The following DCC variants were observed in gnomAD, a reference collection of about 807,000 sequenced individuals.
DCC encodes netrin receptor DCC.
A neutral mutation model predicts 172.5 loss-of-function variants in DCC; 58 were observed. That is an observed-to-expected ratio of 0.34 (90% CI 0.27 to 0.42). The LOEUF (loss-of-function observed/expected upper bound fraction) is 0.42, where lower values mean the gene tolerates loss of function less well. Among genes scored for constraint, DCC ranks in the 10% least tolerant of loss-of-function variants. The probability of loss-of-function intolerance (pLI) is 1.00; values close to 1 mark genes in which losing one functional copy is unlikely to be tolerated. For synonymous variants in DCC, 709 were observed against 644.5 expected (o/e 1.10, Z -1.52); for missense variants, 1,740 against 1,791.0 (o/e 0.97, Z 0.51).
At chr18:53,460,183 A>AGACGC (rs1599174532) in intron 24 of DCC, among the ~76,000 whole-genome samples, 1 of 79,322 alleles carries the variant, frequency 1.3e-5, no homozygotes, top group Non-Finnish European at 3.3e-5. Flanking sequence ...TCTTCATATT[A>AGACGC]TCTAAGTGCT....
At chr18:53,058,882 G>A (rs2042453801) in intron 5 of DCC, among the ~76,000 whole-genome samples, 1 of 152,112 alleles carries the variant, frequency 6.6e-6, no homozygotes, top group African/African-American at 2.4e-5. Flanking sequence ...ATCCTTCTTG[G>A]AGAAGTAGCC....
chr18:52,862,833 C>T (rs771884818), intron 2 of DCC, among the ~76,000 whole-genome samples: 1 of 151,928 alleles, frequency 6.6e-6, no homozygotes, highest in African/African-American at 2.4e-5. Context: ...CGGAATCTTT[C>T]CCTTGAGTTC....
intron 1 of DCC, among the ~76,000 whole-genome samples, chr18:52,624,997 C>A (rs1351456793): frequency 1.3e-5 from 2 of 152,100 alleles, no homozygotes; most frequent in Non-Finnish European, 2.9e-5. Context: ...CTGGATGGTA[C>A]AGCCTACTAC....
intron 22 of DCC, among the ~76,000 whole-genome samples, chr18:53,449,627 C>T (rs2045381117): frequency 6.6e-6 from 1 of 152,272 alleles, no homozygotes; most frequent in Middle Eastern, 3.4e-3. Context: ...ATAGTGTTTC[C>T]TCATAAACCA....
At chr18:52,938,806 A>C (rs1020933627) in intron 5 of DCC, among the ~76,000 whole-genome samples, 1 of 152,012 alleles carries the variant, frequency 6.6e-6, no homozygotes, top group South Asian at 2.1e-4. Context: ...TAACAGTTCA[A>C]TCTCCAAAAT....
intron 12 of DCC, among the ~76,000 whole-genome samples, chr18:53,304,190 C>A (rs1461909928): frequency 6.6e-6 from 1 of 152,016 alleles, no homozygotes; most frequent in Admixed American, 6.6e-5. Flanking sequence ...GGCCAAAAGG[C>A]AACATTTGGG....
At chr18:52,727,784 G>A (rs2036573975) in intron 1 of DCC, among the ~76,000 whole-genome samples, 1 of 152,056 alleles carries the variant, frequency 6.6e-6, no homozygotes. Context: ...GAATGGCAGG[G>A]CTGAAATGTA....
In DCC at chr18:53,486,918, ACT is replaced by A; in HGVS notation, c.3862_3863del (p.Val1289GlyfsTer14). 6.2e-7 allele frequency: 1 copy of A among 1,613,758 alleles called. No homozygotes were observed. The highest frequency in any genetic ancestry group is 8.5e-7 in the Non-Finnish European group (1 of 1,179,962). On this transcript the variant is annotated frameshift_variant, in exon 26 of 29. Coordinates refer to ENST00000442544, the MANE Select transcript of DCC (RefSeq NM_005215.4). LOFTEE classifies it high-confidence loss of function. Reference protein sequence around the residue: ...FTLRPVPFPTLSVDRGFGAGR... With the variant: ...FTLRPVPFPTXSVDRGFGAGR... ...CTCTCCGGCCTGTGCCATTCCCAAC[ACT>A]CTCAGTGGACCGAGGTTTCGGAGCA...
chr18:52,356,573 T>C (rs906017952), intron 1 of DCC, among the ~76,000 whole-genome samples: 2 of 152,170 alleles, frequency 1.3e-5, no homozygotes, highest in African/African-American at 2.4e-5. Flanking sequence ...TGATAAATTA[T>C]TATTAGGATG....
At chr18:52,481,368 A>G (rs1021030649) in intron 1 of DCC, among the ~76,000 whole-genome samples, 2 of 151,226 alleles carry the variant, frequency 1.3e-5, no homozygotes, top group Non-Finnish European at 3.0e-5. Flanking sequence ...GGTGCTTTCC[A>G]CCTTACAACA....
intron 1 of DCC, among the ~76,000 whole-genome samples, chr18:52,716,313 G>A (rs967609750): frequency 4.6e-5 from 7 of 152,174 alleles, no homozygotes; most frequent in Non-Finnish European, 7.3e-5. Context: ...CTGATAGCAG[G>A]GCTTTTCTGG....
At chr18:53,408,435 A>G (rs1909797164) in intron 19 of DCC, among the ~76,000 whole-genome samples, 2 of 152,192 alleles carry the variant, frequency 1.3e-5, no homozygotes, top group Non-Finnish European at 1.5e-5. Context: ...AGTTCCTGCC[A>G]CAAAGTATTC....
intron 1 of DCC, among the ~76,000 whole-genome samples, chr18:52,640,673 C>CCT (rs2034873217): frequency 6.6e-6 from 1 of 151,722 alleles, no homozygotes; most frequent in East Asian, 1.9e-4. Context: ...TGAAAGACCT[C>CCT]TACAAGGAAA....
intron 22 of DCC, among the ~76,000 whole-genome samples, chr18:53,440,874 T>G (rs1352181755): frequency 6.6e-6 from 1 of 152,210 alleles, no homozygotes; most frequent in Non-Finnish European, 1.5e-5. Flanking sequence ...ATCAAGTCAC[T>G]TAAACTCCGG....
intron 1 of DCC, among the ~76,000 whole-genome samples, chr18:52,599,936 C>G (rs532753142): frequency 6.6e-6 from 1 of 152,082 alleles, no homozygotes; most frequent in African/African-American, 2.4e-5. Flanking sequence ...TTCCTTTTTT[C>G]CTGTTGTCTC....
intron 12 of DCC, among the ~76,000 whole-genome samples, chr18:53,246,974 G>A (rs2056372492): frequency 6.6e-6 from 1 of 152,030 alleles, no homozygotes; most frequent in Admixed American, 6.6e-5. Context: ...AAGGTGGTGG[G>A]AACCAAGGAA....
intron 5 of DCC, among the ~76,000 whole-genome samples, chr18:52,929,038 C>T (rs762254145): frequency 4.6e-5 from 7 of 152,038 alleles, no homozygotes; most frequent in Non-Finnish European, 1.0e-4. Flanking sequence ...TATCCTGATC[C>T]AGGCTCCCCT....
intron 1 of DCC, among the ~76,000 whole-genome samples, chr18:52,491,469 G>A (rs548128280): frequency 1.3e-5 from 2 of 152,196 alleles, no homozygotes; most frequent in Admixed American, 6.6e-5. Flanking sequence ...CATGTGAAAA[G>A]TGTGAGTGAT....
intron 1 of DCC, among the ~76,000 whole-genome samples, chr18:52,423,219 A>T (rs1051210352): frequency 2.6e-5 from 4 of 152,170 alleles, no homozygotes; most frequent in African/African-American, 9.6e-5. Flanking sequence ...AAAGGCAGAA[A>T]TGCCCAAGAA....
Sources: gnomAD v4.1 joint callset for allele counts (sites outside exome capture counted in the v4.1 genomes callset) on GRCh38, gnomAD v4.1.1 for gene constraint, MANE v1.5 for transcripts, NCBI Gene and HGNC (gene_info 2026-07-23, HGNC 2026-07-21) for gene names.